The following PDSS2 variants were observed in gnomAD, a reference collection of about 807,000 sequenced individuals.
PDSS2 encodes decaprenyl diphosphate synthase subunit 2, also known as all trans-polyprenyl-diphosphate synthase PDSS2.
In PDSS2, 31 loss-of-function variants were observed where a neutral mutation model predicts 44.5. That is an observed-to-expected ratio of 0.70 (90% CI 0.52 to 0.94). The LOEUF (loss-of-function observed/expected upper bound fraction) is 0.94, where lower values mean the gene tolerates loss of function less well. Among genes scored for constraint, PDSS2 ranks in the 40% least tolerant of loss-of-function variants. The probability of loss-of-function intolerance (pLI) is 0.00; values close to 1 mark genes in which losing one functional copy is unlikely to be tolerated. For synonymous variants in PDSS2, 157 were observed against 180.3 expected, an observed-to-expected ratio of 0.87 and a Z score of 1.03; for missense variants, 452 against 482.2, an observed-to-expected ratio of 0.94 and a Z score of 0.59.
chr6:107,369,109 T>A (rs1048013387), intron 1 of PDSS2, among the ~76,000 whole-genome samples: 7 of 152,158 alleles, frequency 4.6e-5, no homozygotes, highest in Admixed American at 4.6e-4. Flanking sequence ...AACTGAATAT[T>A]CATATATTTA....
chr6:107,183,282 A>C (rs1234379315), intron 7 of PDSS2, among the ~76,000 whole-genome samples: 1 of 151,752 alleles, frequency 6.6e-6, no homozygotes, highest in Admixed American at 6.6e-5. Context: ...TTTTTCTTTA[A>C]ATTCTACTAT....
intron 1 of PDSS2, among the ~76,000 whole-genome samples, chr6:107,447,130 G>C (rs572260362): frequency 6.6e-6 from 1 of 152,032 alleles, no homozygotes; most frequent in Non-Finnish European, 1.5e-5. Context: ...TCAGGAGATC[G>C]AGACCATCCT....
chr6:107,421,434 C>T (rs1165114980), intron 1 of PDSS2, among the ~76,000 whole-genome samples: 1 of 152,012 alleles, frequency 6.6e-6, no homozygotes, highest in Non-Finnish European at 1.5e-5. Flanking sequence ...CTAGAAACAA[C>T]CCAAATGTTT....
chr6:107,286,264 T>G, intron 2 of PDSS2, among the ~76,000 whole-genome samples: 1 of 152,044 alleles, frequency 6.6e-6, no homozygotes, highest in African/African-American at 2.4e-5. Context: ...TCCCAGCACT[T>G]TGGGAGGCTG....
intron 3 of PDSS2, among the ~76,000 whole-genome samples, chr6:107,260,825 G>A (rs1327922693): frequency 1.3e-5 from 2 of 151,694 alleles, no homozygotes; most frequent in Admixed American, 6.6e-5. Flanking sequence ...CACTATGCCC[G>A]GCTAATTTTT....
chr6:107,286,196 C>T (rs1582893683), intron 2 of PDSS2, among the ~76,000 whole-genome samples: 1 of 134,802 alleles, frequency 7.4e-6, no homozygotes, highest in Non-Finnish European at 1.6e-5. Context: ...TTAAAATAAA[C>T]AAAAAAGTTT....
At chr6:107,298,040 A>G (rs1485976025) in intron 2 of PDSS2, among the ~76,000 whole-genome samples, 1 of 152,172 alleles carries the variant, frequency 6.6e-6, no homozygotes, top group Non-Finnish European at 1.5e-5. Context: ...CCACTGCCCC[A>G]GCCAGAAACA....
intron 2 of PDSS2, among the ~76,000 whole-genome samples, chr6:107,322,827 A>C (rs1777424096): frequency 6.6e-6 from 1 of 152,058 alleles, no homozygotes; most frequent in South Asian, 2.1e-4. Context: ...TGTCTCAAAA[A>C]ACAAAAAACA....
chr6:107,335,780 A>T (rs966755542), intron 1 of PDSS2, among the ~76,000 whole-genome samples: 10 of 152,192 alleles, frequency 6.6e-5, no homozygotes, highest in African/African-American at 1.2e-4. Context: ...GCTCATGAGC[A>T]CTAATCAAAT....
rs201412934 is a variant in PDSS2, at chr6:107,183,898, A to AC, written c.1041+9923_1041+9924insG. On this transcript the variant is annotated intron_variant, in intron 7 of 7. Coordinates refer to ENST00000369037, the MANE Select transcript of PDSS2 (RefSeq NM_020381.4). ...CAACAGAGTGAGACTCCATCTCAAA[A>AC]AAAAAAGAGAGAATCACTTGAACCT... Among the ~76,000 whole-genome samples, 301 of 151,866 alleles carry AC rather than the reference A, an allele frequency of 2.0e-3. 3 individuals carry two copies. Among genetic ancestry groups the AC allele is most frequent in the African/African-American group, 7.0e-3 (291 of 41,450 alleles).
chr6:107,423,253 T>G (rs1200183782), intron 1 of PDSS2, among the ~76,000 whole-genome samples: 2 of 152,108 alleles, frequency 1.3e-5, no homozygotes, highest in Non-Finnish European at 2.9e-5. Flanking sequence ...AAGTGTACTC[T>G]CCATTTGTCA....
intron 1 of PDSS2, among the ~76,000 whole-genome samples, chr6:107,390,225 T>C (rs1779738028): frequency 6.6e-6 from 1 of 152,044 alleles, no homozygotes; most frequent in South Asian, 2.1e-4. Context: ...GGGGATAACA[T>C]TACAGTAGAG....
intron 7 of PDSS2, among the ~76,000 whole-genome samples, chr6:107,166,910 T>A (rs1771371629): frequency 6.6e-6 from 1 of 152,220 alleles, no homozygotes. Flanking sequence ...TGCATCAATG[T>A]TCATCAGGGA....
chr6:107,436,218 GAA>G (rs1373947356), intron 1 of PDSS2, among the ~76,000 whole-genome samples: 3 of 152,140 alleles, frequency 2.0e-5, no homozygotes, highest in Non-Finnish European at 4.4e-5. Context: ...GGTGTTTTTA[GAA>G]AAGGGAGACA....
intron 4 of PDSS2, among the ~76,000 whole-genome samples, chr6:107,244,547 T>C (rs1272074611): frequency 6.6e-6 from 1 of 152,208 alleles, no homozygotes. Context: ...TGAGGCCAGA[T>C]GTGCCTACTA....
In PDSS2 at chr6:107,459,007, A is replaced by T. The variant is rs760801648; in HGVS notation, c.279T>A (p.Pro93=). 1 of 1,614,090 alleles carries T rather than the reference A, an allele frequency of 6.2e-7. No individual in the cohort carries two copies. The highest frequency in any genetic ancestry group is 1.1e-5 in the South Asian group (1 of 91,074). ...TAGCTCACCTGGCTGTGGTAAGCAG[A>T]GGGTGCTGAGTGCCCACCAGCTTCC... ...QVRKLVGTQH[P]LLTTARGLVH... is the part of the protein sequence containing the mutation. The change falls in exon 1 of 8, where the codon CCT becomes CCA. Residue 93 remains proline, a synonymous_variant. Coordinates refer to ENST00000369037, the MANE Select transcript of PDSS2 (RefSeq NM_020381.4). This position sits in a 1 kb window ranked among gnomAD's most constrained non-coding sequence, Gnocchi z 4.3.
At chr6:107,389,949 T>A (rs1779729755) in intron 1 of PDSS2, among the ~76,000 whole-genome samples, 1 of 151,962 alleles carries the variant, frequency 6.6e-6, no homozygotes, top group Non-Finnish European at 1.5e-5. Context: ...AACAAAAGGA[T>A]GGGGTTATGT....
chr6:107,400,113 C>G (rs377107430), intron 1 of PDSS2, among the ~76,000 whole-genome samples: 3 of 152,028 alleles, frequency 2.0e-5, no homozygotes, highest in African/African-American at 7.2e-5. Context: ...GCCAGGCAAT[C>G]CAGGTCACAG....
chr6:107,314,320 G>A (rs1777136306), intron 2 of PDSS2, among the ~76,000 whole-genome samples: 1 of 151,878 alleles, frequency 6.6e-6, no homozygotes, highest in African/African-American at 2.4e-5. Context: ...AGAAGCTGGG[G>A]GTGGTGGCAG....
Sources: gnomAD v4.1 joint callset for allele counts (sites outside exome capture counted in the v4.1 genomes callset) on GRCh38, gnomAD v4.1.1 for gene constraint, Gnocchi (gnomAD v3.1) non-coding constraint, MANE v1.5 for transcripts, NCBI Gene and HGNC (gene_info 2026-07-23, HGNC 2026-07-21) for gene names.